Variants in PLA2G4A observed in about 807,000 individuals in gnomAD.
PLA2G4A encodes the protein cytosolic phospholipase A2.
Under a neutral mutation model 81.9 loss-of-function variants are expected in PLA2G4A, and 40 were observed. The observed-to-expected ratio is 0.49, with a 90% confidence interval of 0.38 to 0.64. PLA2G4A has a LOEUF of 0.64. Among genes scored for constraint, PLA2G4A ranks in the 30% least tolerant of loss-of-function variants. The pLI, the probability that PLA2G4A is intolerant of heterozygous loss-of-function variation, is 0.00. For synonymous variants in PLA2G4A, 302 were observed against 296.9 expected, an observed-to-expected ratio of 1.02 and a Z score of -0.18; for missense variants, 715 against 905.1, an observed-to-expected ratio of 0.79 and a Z score of 2.69.
At chr1:186,958,345 A>C (rs2102261367) in intron 14 of PLA2G4A, among the ~76,000 whole-genome samples, 1 of 152,308 alleles carries the variant, frequency 6.6e-6, no homozygotes, top group East Asian at 1.9e-4. Context: ...TTAACCATAC[A>C]TTCAGTGACA....
At chr1:186,970,626 G>A (rs1020199937) in intron 15 of PLA2G4A, among the ~76,000 whole-genome samples, 6 of 151,988 alleles carry the variant, frequency 3.9e-5, no homozygotes, top group African/African-American at 1.4e-4. Flanking sequence ...TCTGCATGTG[G>A]ATATTCAGTT....
intron 3 of PLA2G4A, among the ~76,000 whole-genome samples, chr1:186,878,425 G>T (rs1653600602): frequency 6.7e-6 from 1 of 149,854 alleles, no homozygotes; most frequent in Non-Finnish European, 1.5e-5. Flanking sequence ...ATGAGTTTTA[G>T]TTTATTAATG....
chr1:186,843,677 G>T, intron 1 of PLA2G4A, among the ~76,000 whole-genome samples: 1 of 152,300 alleles, frequency 6.6e-6, no homozygotes, highest in South Asian at 2.1e-4. Context: ...AATGACAGGC[G>T]GACATGATCC....
At chr1:186,850,088 A>G (rs1369627819) in intron 1 of PLA2G4A, among the ~76,000 whole-genome samples, 1 of 152,182 alleles carries the variant, frequency 6.6e-6, no homozygotes, top group East Asian at 1.9e-4. Context: ...AATTGCTGTT[A>G]GTGAGTCATG....
Position 186,862,865 on chromosome 1 carries a change from A to T in PLA2G4A, c.34-7570A>T, listed in dbSNP as rs1253396055. On this transcript the variant is annotated intron_variant, in intron 2 of 17. Transcript: ENST00000367466. Reference sequence around the variant, plus strand: ...AAGGTGCACCTGTTTTTCACAGTCCACTCAGTCACTGTTACTCCAGAAGAA... The same window carrying T: ...AAGGTGCACCTGTTTTTCACAGTCCTCTCAGTCACTGTTACTCCAGAAGAA... Among the ~76,000 whole-genome samples the T allele has an allele frequency of 2.6e-5, 4 of 152,290 alleles. No individual in the cohort carries two copies. In the East Asian group the frequency reaches 5.8e-4, roughly 22 times the overall value.
intron 7 of PLA2G4A, among the ~76,000 whole-genome samples, chr1:186,913,347 T>C (rs2102160516): frequency 6.6e-6 from 1 of 152,076 alleles, no homozygotes; most frequent in African/African-American, 2.4e-5. Flanking sequence ...TAATATCCTT[T>C]ATTACTCAAT....
At chr1:186,983,798 T>C (rs1657805478) in intron 17 of PLA2G4A, among the ~76,000 whole-genome samples, 1 of 152,096 alleles carries the variant, frequency 6.6e-6, no homozygotes, top group Non-Finnish European at 1.5e-5. Context: ...TCTGACCAAA[T>C]TGGGTATTCA....
intron 2 of PLA2G4A, among the ~76,000 whole-genome samples, chr1:186,861,986 A>G (rs28412072): frequency 1.3e-5 from 2 of 149,264 alleles, no homozygotes; most frequent in Non-Finnish European, 3.0e-5. Flanking sequence ...ATTTATATAT[A>G]ATTATATACC....
intron 2 of PLA2G4A, among the ~76,000 whole-genome samples, chr1:186,864,772 C>G (rs963623610): frequency 1.3e-5 from 2 of 151,394 alleles, no homozygotes; most frequent in Non-Finnish European, 2.9e-5. Context: ...AGAATGCACT[C>G]TATATTTGCT....
rs551681182 is a variant in PLA2G4A at position 186,829,058 on chromosome 1, A to G, written c.-70+23A>G. The G allele has an allele frequency of 2.6e-5, 4 of 152,280 alleles. No individual in the cohort carries two copies. The South Asian group carries it at 6.2e-4, about 24-fold the overall frequency. 9.4% of individuals were successfully genotyped at this position (152,280 alleles called of 1,614,324 possible). A position where few individuals can be genotyped will look rare whatever the true frequency, so the allele number is the denominator to read the frequency against. On this transcript the variant is annotated intron_variant, in intron 1 of 17. Transcript: ENST00000367466. ...CAGGTAACTCTGGGAACTGTAAGCAATATATTTATTCTTCCTCTGCTCCAC... is the reference window on the plus strand; with the variant it reads ...CAGGTAACTCTGGGAACTGTAAGCAGTATATTTATTCTTCCTCTGCTCCAC...
At chr1:186,932,953 C>G in intron 8 of PLA2G4A, 54 bp downstream of exon 8, 2 of 1,266,152 alleles carry the variant, frequency 1.6e-6, no homozygotes, top group Non-Finnish European at 1.1e-6. Flanking sequence ...TAGGATTTAT[C>G]TAACTCAAGC....
chr1:186,878,845 G>C (rs1653621212), intron 3 of PLA2G4A, among the ~76,000 whole-genome samples: 4 of 151,850 alleles, frequency 2.6e-5, no homozygotes, highest in African/African-American at 9.7e-5. Context: ...CTTCTGTAGA[G>C]AAAGTATGTG....
chr1:186,962,514 A>G lies in PLA2G4A; in HGVS notation c.1580-2895A>G, dbSNP rs887283119. On this transcript the variant is annotated intron_variant, in intron 14 of 17. Transcript: ENST00000367466. ...TATTTATTTATTTATTTATTTATTT[A>G]TTTATTTATTTATTTATTTATTTTT... Among the ~76,000 whole-genome samples the G allele has an allele frequency of 4.6e-3, 686 of 149,084 alleles. 20 individuals are homozygous for G. Among genetic ancestry groups the G allele is most frequent in the Admixed American group, 0.041 (610 of 14,958 alleles).
At chr1:186,966,118 TAAAAAAA>T (rs10609057) in intron 15 of PLA2G4A, among the ~76,000 whole-genome samples, 2 of 119,508 alleles carry the variant, frequency 1.7e-5, no homozygotes, top group Non-Finnish European at 3.4e-5. Flanking sequence ...GAGTGGAAGT[TAAAAAAA>T]AAAAAAAAAA....
chr1:186,850,494 G>A (rs1422494804), intron 1 of PLA2G4A, among the ~76,000 whole-genome samples: 1 of 137,250 alleles, frequency 7.3e-6, no homozygotes, highest in African/African-American at 2.8e-5. Context: ...CCCCTAGATT[G>A]CCTCATTTTG....
intron 13 of PLA2G4A, 116 bp from the exon 14 acceptor site, chr1:186,955,986 C>A: frequency 1.2e-6 from 1 of 826,336 alleles, no homozygotes. Context: ...ATGATCCGCC[C>A]GCCTTGGCCT....
chr1:186,904,719 G>A (rs1654673231), intron 5 of PLA2G4A, among the ~76,000 whole-genome samples: 1 of 152,212 alleles, frequency 6.6e-6, no homozygotes, highest in South Asian at 2.1e-4. Flanking sequence ...CCAGGATCAT[G>A]AATGTCTTAG....
At chr1:186,865,056 G>T (rs141193478) in intron 2 of PLA2G4A, among the ~76,000 whole-genome samples, 7 of 150,162 alleles carry the variant, frequency 4.7e-5, no homozygotes, top group Non-Finnish European at 7.4e-5. Context: ...GATAGAATGA[G>T]ACTCTGTCTA....
chr1:186,962,499 TTTATTTA>T (rs1557893973), intron 14 of PLA2G4A, among the ~76,000 whole-genome samples: 9 of 119,210 alleles, frequency 7.5e-5, no homozygotes, highest in East Asian at 6.0e-4. Context: ...TATTTATTTA[TTTATTTA>T]TTTATTTATT....
Sources: allele counts gnomAD v4.1 joint callset (sites outside exome capture counted in the v4.1 genomes callset), GRCh38; gene constraint gnomAD v4.1.1; transcripts MANE v1.5; gene names NCBI Gene and HGNC (gene_info 2026-07-23, HGNC 2026-07-21).